Variants in CALD1 observed in about 807,000 individuals in gnomAD.
CALD1 encodes caldesmon 1, also known as caldesmon.
Under a neutral mutation model 99.9 loss-of-function variants are expected in CALD1, and 33 were observed. The ratio of observed to expected loss-of-function variants is 0.33; its 90% confidence interval spans 0.25 to 0.44. The LOEUF is 0.44. Among genes scored for constraint, CALD1 ranks in the 20% least tolerant of loss-of-function variants. The pLI, the probability that CALD1 is intolerant of heterozygous loss-of-function variation, is 1.00. For missense variants in CALD1, 861 were observed against 962.1 expected (o/e 0.89, Z 1.39); for synonymous variants, 310 against 325.0 (o/e 0.95, Z 0.50).
At chr7:134,931,572 C>A (rs1805523123) in intron 4 of CALD1, among the ~76,000 whole-genome samples, 1 of 152,124 alleles carries the variant, frequency 6.6e-6, no homozygotes, top group Admixed American at 6.5e-5. Flanking sequence ...GTTGAAAGGG[C>A]CAAGTTTGGT....
At chr7:134,736,651 C>T in the CALD1 span, among the ~76,000 whole-genome samples, 2 of 152,166 alleles carry the variant, frequency 1.3e-5, no homozygotes, top group South Asian at 4.1e-4. Flanking sequence ...ACCTTAAATA[C>T]CCAGAGAACA....
chr7:134,714,761 G>A, the CALD1 span, among the ~76,000 whole-genome samples: 6,854 of 152,222 alleles, frequency 0.045, 323 homozygotes, highest in African/African-American at 0.11. Context: ...CTAGAAAATG[G>A]GTGGTAACTT....
At chr7:134,805,037 G>C (rs1333067868) in intron 1 of CALD1, among the ~76,000 whole-genome samples, 1 of 152,220 alleles carries the variant, frequency 6.6e-6, no homozygotes, top group East Asian at 1.9e-4. Context: ...TGAAATCATA[G>C]AAGTAGAAGC....
chr7:134,930,642 A>G (rs1461163703), intron 4 of CALD1, among the ~76,000 whole-genome samples: 2 of 152,220 alleles, frequency 1.3e-5, no homozygotes, highest in African/African-American at 4.8e-5. Flanking sequence ...GGAAATAGGT[A>G]TAATTTCTAG....
At chr7:134,900,925 G>A (rs1381413713) in intron 3 of CALD1, among the ~76,000 whole-genome samples, 3 of 151,974 alleles carry the variant, frequency 2.0e-5, no homozygotes, top group Admixed American at 6.5e-5. Flanking sequence ...ACTTGTGATT[G>A]GCATGCATTT....
intron 1 of CALD1, among the ~76,000 whole-genome samples, chr7:134,804,255 T>C (rs1230059281): frequency 1.3e-5 from 2 of 152,224 alleles, no homozygotes; most frequent in Admixed American, 6.5e-5. Flanking sequence ...TTACATTTTC[T>C]TTCTATATTA....
At chr7:134,878,116 T>C (rs994102699) in intron 3 of CALD1, among the ~76,000 whole-genome samples, 1 of 152,196 alleles carries the variant, frequency 6.6e-6, no homozygotes, top group Non-Finnish European at 1.5e-5. Context: ...ATAATTCATT[T>C]ATTTTAAAAT....
At chr7:134,879,374 T>C (rs1801493523) in intron 3 of CALD1, among the ~76,000 whole-genome samples, 1 of 152,378 alleles carries the variant, frequency 6.6e-6, no homozygotes, top group Admixed American at 6.5e-5. Flanking sequence ...GCACTATTCA[T>C]CAGCAGTGGA....
chr7:134,949,643 T>A (rs1807178150), intron 8 of CALD1, among the ~76,000 whole-genome samples: 1 of 152,170 alleles, frequency 6.6e-6, no homozygotes, highest in Non-Finnish European at 1.5e-5. Context: ...GCTTTTCACA[T>A]AAGTTATTCA....
intron 1 of CALD1, among the ~76,000 whole-genome samples, chr7:134,747,676 TGCCCCAG>T: frequency 1.3e-5 from 2 of 152,340 alleles, no homozygotes; most frequent in Non-Finnish European, 2.9e-5. Flanking sequence ...GCCCCGTGGC[TGCCCCAG>T]GGCCAGCTTA....
intron 3 of CALD1, among the ~76,000 whole-genome samples, chr7:134,904,807 A>G (rs558498832): frequency 6.6e-6 from 1 of 152,230 alleles, no homozygotes; most frequent in Admixed American, 6.5e-5. Flanking sequence ...AGCCCCAAAG[A>G]AGAACAGAAA....
At chr7:134,733,015 T>A in the CALD1 span, among the ~76,000 whole-genome samples, 1 of 152,234 alleles carries the variant, frequency 6.6e-6, no homozygotes, top group Non-Finnish European at 1.5e-5. Flanking sequence ...CTAGGCTTTG[T>A]GTTAGAATTA....
chr7:134,904,850 C>T (rs534377519), intron 3 of CALD1, among the ~76,000 whole-genome samples: 1 of 152,174 alleles, frequency 6.6e-6, no homozygotes, highest in Non-Finnish European at 1.5e-5. Flanking sequence ...GGACACATGC[C>T]TTTTCTGGCA....
intron 1 of CALD1, chr7:134,745,510 G>A (rs1177702349): frequency 6.6e-6 from 1 of 152,148 alleles, no homozygotes; most frequent in Non-Finnish European, 1.5e-5. Flanking sequence ...GTATTCAGGG[G>A]TGCCTTCCTT....
At chr7:134,784,644 G>A (rs1418267897) in intron 1 of CALD1, among the ~76,000 whole-genome samples, 2 of 152,162 alleles carry the variant, frequency 1.3e-5, no homozygotes, top group East Asian at 3.9e-4. Flanking sequence ...CTCTATGTGA[G>A]CAAACTTTGG....
At chr7:134,820,364 A>T (rs1427225840) in intron 1 of CALD1, among the ~76,000 whole-genome samples, 1 of 152,208 alleles carries the variant, frequency 6.6e-6, no homozygotes, top group Non-Finnish European at 1.5e-5. Context: ...CAAAAAGGTG[A>T]AAAATAAAAT....
At chr7:134,967,471 A>G (rs1420725906) in intron 14 of CALD1, among the ~76,000 whole-genome samples, 1 of 152,194 alleles carries the variant, frequency 6.6e-6, no homozygotes, top group Non-Finnish European at 1.5e-5. Flanking sequence ...AATTTTTAGC[A>G]ACTAGCTGAG....
chr7:134,732,488 G>A, the CALD1 span, among the ~76,000 whole-genome samples: 1 of 152,168 alleles, frequency 6.6e-6, no homozygotes, highest in South Asian at 2.1e-4. Context: ...GAGGCTGTTG[G>A]CTTTTCCACC....
intron 1 of CALD1, among the ~76,000 whole-genome samples, chr7:134,763,183 C>T (rs920120847): frequency 2.1e-4 from 32 of 152,144 alleles, no homozygotes; most frequent in African/African-American, 7.7e-4. Flanking sequence ...CAGAAATTAA[C>T]TATTCAACAA....
Sources: gnomAD v4.1 joint callset for allele counts (sites outside exome capture counted in the v4.1 genomes callset) on GRCh38, gnomAD v4.1.1 for gene constraint, MANE v1.5 for transcripts, NCBI Gene and HGNC (gene_info 2026-07-23, HGNC 2026-07-21) for gene names.